FASTKD2: variants seen among roughly 807,000 people sequenced by gnomAD.
The protein encoded by FASTKD2 is FAST kinase domains 2, also known as FAST kinase domain-containing protein 2, mitochondrial.
Under a neutral mutation model 63.6 loss-of-function variants are expected in FASTKD2, and 51 were observed. The ratio of observed to expected loss-of-function variants is 0.80; its 90% confidence interval spans 0.64 to 1.01. The LOEUF (loss-of-function observed/expected upper bound fraction) is 1.01. FASTKD2 is among the 50% of genes least tolerant of loss of function. FASTKD2 has a pLI of 0.00. For synonymous variants in FASTKD2, 284 were observed against 293.4 expected (o/e 0.97, Z 0.33); for missense variants, 786 against 831.1 (o/e 0.95, Z 0.67).
At position 206,772,219 on chromosome 2, in the gene FASTKD2, A is replaced by T; in HGVS notation, c.1153A>T (p.Ile385Leu). Residue 385 changes from isoleucine (I) to leucine (L), a missense_variant, in exon 6 of 12, where the codon ATA (isoleucine) becomes TTA (leucine). Physicochemically the swap from Ile to Leu is conservative, Grantham distance 5 (BLOSUM62 2). Transcript: ENST00000402774. The stretch of plus-strand genomic sequence containing the variant: ...GTGTCCTTTAAGAATAATGATCAAC[A>T]TATTGCAGTCCTGCAAAGACCTCCA... Reference protein sequence around the residue: ...HGCPLRIMINILQSCKDLQYH... With the variant: ...HGCPLRIMINLLQSCKDLQYH... 1 of 1,613,470 alleles carries T rather than the reference A, an allele frequency of 6.2e-7. No individual in the cohort carries two copies. The highest frequency in any genetic ancestry group is 8.5e-7 in the Non-Finnish European group (1 of 1,179,360).
chr2:206,793,340 T>C lies in FASTKD2; in HGVS notation c.*1538T>C, dbSNP rs1468329354. Among the ~76,000 whole-genome samples, 1 of 151,660 alleles carries C rather than the reference T, an allele frequency of 6.6e-6. No homozygotes were observed. Among genetic ancestry groups the C allele is most frequent in the Non-Finnish European group, 1.5e-5 (1 of 67,966 alleles). ...AGAAAAGGTTAGAGCTGAAAGGAAA[T>C]TTAGTGATTATTTAATTGTTACTTC... On this transcript the variant is annotated 3_prime_UTR_variant, in exon 12 of 12. Coordinates refer to ENST00000402774, the MANE Select transcript of FASTKD2 (RefSeq NM_001136193.2).
intron 7 of FASTKD2, among the ~76,000 whole-genome samples, chr2:206,778,109 G>A (rs1306216786): frequency 6.6e-6 from 1 of 151,692 alleles, no homozygotes; most frequent in Admixed American, 6.6e-5. Flanking sequence ...CCAAGTCTTC[G>A]TTTTGTTGGT....
At chr2:206,768,083 A>G (rs77217497) in intron 2 of FASTKD2, among the ~76,000 whole-genome samples, 2 of 152,338 alleles carry the variant, frequency 1.3e-5, no homozygotes, top group East Asian at 3.9e-4. Context: ...AGAGGCCAGA[A>G]AAATAGGAAC....
chr2:206,771,911 A>C lies in FASTKD2; in HGVS notation c.1008A>C (p.Glu336Asp), dbSNP rs762491175. The C allele has an allele frequency of 3.7e-6, 6 of 1,604,910 alleles. No homozygotes were observed. The highest frequency in any genetic ancestry group is 2.7e-5 in the African/African-American group (2 of 74,730). The change falls in exon 5 of 12, where the codon GAA becomes GAC. Residue 336 changes from glutamate to aspartate, a missense_variant. Physicochemically the swap from Glu to Asp is conservative, Grantham distance 45. Coordinates refer to ENST00000402774, the MANE Select transcript of FASTKD2 (RefSeq NM_001136193.2). ...TTCTTTAGATGAAAGCCTTGAGGGA[A>C]TTAGACAGATTTTCTGTTTTGAATA... Reference protein sequence around the residue: ...KRKLEMKALRELDRFSVLNSQ... With the variant: ...KRKLEMKALRDLDRFSVLNSQ...
rs58656956 is a variant in FASTKD2 at position 206,793,220 on chromosome 2, CAAAAAAAAAAA to C, written c.*1439_*1449del. 0.07 allele frequency among the ~76,000 whole-genome samples: 4,576 copies of C among 65,702 alleles called. 104 individuals carry two copies. The highest frequency in any genetic ancestry group is 0.11 in the Middle Eastern group (13 of 116). 43.1% of individuals were successfully genotyped at this position (65,702 alleles called of 152,430 possible). A position where few individuals can be genotyped will look rare whatever the true frequency, so the allele number is the denominator to read the frequency against. Reference sequence around the variant, plus strand: ...CTGACCACAGAGCGAGACTCTGTCTCAAAAAAAAAAAAAAAAAAAAAAAAAAAAAAATACAA... The same window carrying C: ...CTGACCACAGAGCGAGACTCTGTCTCAAAAAAAAAAAAAAAAAAAATACAA... On this transcript the variant is annotated 3_prime_UTR_variant, in exon 12 of 12. Coordinates refer to ENST00000402774, the MANE Select transcript of FASTKD2 (RefSeq NM_001136193.2).
intron 6 of FASTKD2, among the ~76,000 whole-genome samples, chr2:206,773,563 A>C (rs535522734): frequency 1.7e-4 from 26 of 152,228 alleles, no homozygotes; most frequent in Non-Finnish European, 2.2e-4. Flanking sequence ...CCTGGTAAAA[A>C]CTTCTTTTTG....
At chr2:206,789,369 T>G (rs1559366881) in intron 10 of FASTKD2, 1 of 160,094 alleles carries the variant, frequency 6.2e-6, no homozygotes, top group Non-Finnish European at 1.4e-5. Flanking sequence ...TAGAGCACAT[T>G]GAAGCTAATC....
intron 7 of FASTKD2, among the ~76,000 whole-genome samples, chr2:206,782,864 C>T (rs1374235039): frequency 6.6e-6 from 1 of 152,008 alleles, no homozygotes; most frequent in African/African-American, 2.4e-5. Context: ...TATGACAATG[C>T]CCAGCACATA....
In FASTKD2 at chr2:206,795,239, CT is replaced by C. The variant is rs932530898; in HGVS notation, c.*3446del. 1.3e-5 allele frequency among the ~76,000 whole-genome samples: 2 copies of C among 151,598 alleles called. No homozygotes were observed. The highest frequency in any genetic ancestry group is 1.3e-4 in the Admixed American group (2 of 15,210). On this transcript the variant is annotated 3_prime_UTR_variant, in exon 12 of 12. Transcript: ENST00000402774. ...CCCAGAAGGCAGGAGATGGCTATCT[CT>C]TTTTTTTTCCTGAGACGGAGTCGTG...
In FASTKD2 at chr2:206,766,905, C is replaced by T. The variant is rs1404438446; in HGVS notation, c.212C>T (p.Thr71Ile). Residue 71 changes from threonine (T) to isoleucine (I), a missense_variant, in exon 2 of 12, where the codon ACT (threonine) becomes ATT (isoleucine). Transcript: ENST00000402774. The part of the protein sequence containing the change: ...LNNFHNRMQS[T>I]DIIRYLFQDA... ...AACTTTCATAACAGAATGCAATCAA[C>T]TGATATCATTAGATATCTCTTTCAG... 2 of 1,595,056 alleles carry T rather than the reference C, an allele frequency of 1.3e-6. No homozygotes were observed. The highest frequency in any genetic ancestry group is 4.5e-5 in the East Asian group (2 of 44,632).
chr2:206,767,289 A>G lies in FASTKD2; in HGVS notation c.596A>G (p.Gln199Arg). Residue 199 changes from glutamine to arginine, a missense_variant, in exon 2 of 12, where the codon CAG (glutamine) becomes CGG (arginine). Transcript: ENST00000402774. The stretch of plus-strand genomic sequence containing the variant: ...ATTGCCAAAAGACTGTCTGATGACC[A>G]GAAGCGCTTTGAAAAACGACTGATG... The part of the protein sequence containing the change: ...WTIAKRLSDD[Q>R]KRFEKRLMFS... The G allele has an allele frequency of 6.2e-7, 1 of 1,614,246 alleles. No homozygotes were observed. Among genetic ancestry groups the G allele is most frequent in the Non-Finnish European group, 8.5e-7 (1 of 1,180,038 alleles).
chr2:206,782,990 AAATGACTTGACTCC>A (rs1159542002), intron 7 of FASTKD2, among the ~76,000 whole-genome samples: 1 of 152,286 alleles, frequency 6.6e-6, no homozygotes, highest in African/African-American at 2.4e-5. Context: ...GTTTGCCATC[AAATGACTTGACTCC>A]AGCTGCTTGC....
intron 7 of FASTKD2, among the ~76,000 whole-genome samples, chr2:206,779,203 G>A (rs1689903136): frequency 6.6e-6 from 1 of 152,076 alleles, no homozygotes; most frequent in African/African-American, 2.4e-5. Context: ...GGCTACCTCT[G>A]CTCTCTTTTG....
Position 206,794,377 on chromosome 2 carries a change from C to T in FASTKD2, c.*2575C>T, listed in dbSNP as rs1473611823. Among the ~76,000 whole-genome samples the T allele has an allele frequency of 6.6e-6, 1 of 152,160 alleles. No individual in the cohort carries two copies. Among genetic ancestry groups the T allele is most frequent in the African/African-American group, 2.4e-5 (1 of 41,452 alleles). On this transcript the variant is annotated 3_prime_UTR_variant, in exon 12 of 12. Transcript: ENST00000402774. Reference sequence around the variant, plus strand: ...TAAAATTGTATTCTTGAAATAGCTACATGCAATTCTTTTTTATTATTTTTT... The same window carrying T: ...TAAAATTGTATTCTTGAAATAGCTATATGCAATTCTTTTTTATTATTTTTT...
At position 206,793,220 on chromosome 2, in the gene FASTKD2, CAAAAAAAAAAAAAAA is replaced by C. The variant is rs58656956; in HGVS notation, c.*1435_*1449del. Among the ~76,000 whole-genome samples the C allele has an allele frequency of 1.9e-3, 123 of 65,818 alleles. 1 individual carries two copies. Among genetic ancestry groups the C allele is most frequent in the African/African-American group, 6.9e-3 (112 of 16,242 alleles). The allele number at this position is 65,818 out of a possible 152,430, so 43.2% of individuals were successfully genotyped here. ...CTGACCACAGAGCGAGACTCTGTCT[CAAAAAAAAAAAAAAA>C]AAAAAAAAAAAAAAAATACAAAAAC... On this transcript the variant is annotated 3_prime_UTR_variant, in exon 12 of 12. Coordinates refer to ENST00000402774, the MANE Select transcript of FASTKD2 (RefSeq NM_001136193.2).
rs146554705 is a variant in FASTKD2, at chr2:206,791,762, C to T, written c.2093C>T (p.Ala698Val). The T allele has an allele frequency of 4.3e-4, 699 of 1,612,818 alleles. 4 individuals carry two copies. In the African/African-American group the frequency reaches 8.0e-3, roughly 18 times the overall value. The change falls in exon 12 of 12, where the codon GCT becomes GTT. Residue 698 changes from alanine to valine, a missense_variant. Physicochemically the swap from Ala to Val is moderately conservative, Grantham distance 64 (BLOSUM62 0). Coordinates refer to ENST00000402774, the MANE Select transcript of FASTKD2 (RefSeq NM_001136193.2). ...AAGACTAAAATCTATTCAGTAGAAGCTCTTCCTGTTGCTGCTGTAAATGTG... is the reference window on the plus strand; with the variant it reads ...AAGACTAAAATCTATTCAGTAGAAGTTCTTCCTGTTGCTGCTGTAAATGTG... ...FLKTKIYSVE[A>V]LPVAAVNVQS...
chr2:206,780,651 C>G (rs1051748517), intron 7 of FASTKD2, among the ~76,000 whole-genome samples: 8 of 152,122 alleles, frequency 5.3e-5, no homozygotes, highest in African/African-American at 1.9e-4. Context: ...ATGTCCATTA[C>G]TCTTTCTAGA....
chr2:206,786,908 TTAGTG>T lies in FASTKD2; in HGVS notation c.1594+10_1594+14del, dbSNP rs771154357. 3.1e-6 allele frequency: 5 copies of T among 1,605,692 alleles called. No individual in the cohort carries two copies. The highest frequency in any genetic ancestry group is 4.3e-6 in the Non-Finnish European group (5 of 1,173,032). ...TGAGCTGCTGACATCAGGTAGGATG[TTAGTG>T]CAGAATTGGTCACCAATTGTGACCA... On this transcript the variant is annotated intron_variant, in intron 8 of 11. Coordinates refer to ENST00000402774, the MANE Select transcript of FASTKD2 (RefSeq NM_001136193.2).
In FASTKD2 at chr2:206,771,653, CAAAAAA is replaced by C. The variant is rs71034472; in HGVS notation, c.991-220_991-215del. Among the ~76,000 whole-genome samples, 49 of 44,554 alleles carry C rather than the reference CAAAAAA, an allele frequency of 1.1e-3. 1 individual carries two copies. Among genetic ancestry groups the C allele is most frequent in the African/African-American group, 4.1e-3 (47 of 11,580 alleles). 29.2% of individuals were successfully genotyped at this position (44,554 alleles called of 152,430 possible). A position where few individuals can be genotyped will look rare whatever the true frequency, so the allele number is the denominator to read the frequency against. ...GTGACTGAGCAAGACCCTGTCTCTG[CAAAAAA>C]AAAAAAAAAAAAAAAAAAAATCAAA... On this transcript the variant is annotated intron_variant, in intron 4 of 11. Transcript: ENST00000402774.
Sources: allele counts gnomAD v4.1 joint callset (sites outside exome capture counted in the v4.1 genomes callset), GRCh38; gene constraint gnomAD v4.1.1; transcripts MANE v1.5; gene names NCBI Gene and HGNC (gene_info 2026-07-23, HGNC 2026-07-21).